Variants in CNTN5 observed in about 807,000 individuals in gnomAD.
CNTN5 encodes the protein contactin 5.
CNTN5 carries 77 observed loss-of-function variants against 129.1 expected under a neutral mutation model. The observed-to-expected ratio is 0.60, with a 90% CI of 0.50 to 0.72. CNTN5 has a LOEUF of 0.72. Ranked by LOEUF, CNTN5 falls within the 30% of genes least tolerant of loss-of-function variation. CNTN5 has a pLI of 0.00. For synonymous variants in CNTN5, 509 were observed against 465.6 expected, an observed-to-expected ratio of 1.09 and a Z score of -1.20; for missense variants, 1,478 against 1,328.8, an observed-to-expected ratio of 1.11 and a Z score of -1.75.
intron 6 of CNTN5, among the ~76,000 whole-genome samples, chr11:99,910,420 C>T (rs1020974478): frequency 5.9e-5 from 9 of 152,008 alleles, no homozygotes; most frequent in Admixed American, 5.3e-4. Context: ...TTAGAGAATG[C>T]TAATTTAATT....
intron 7 of CNTN5, among the ~76,000 whole-genome samples, chr11:99,939,463 C>T (rs1950386350): frequency 6.6e-6 from 1 of 152,034 alleles, no homozygotes; most frequent in Non-Finnish European, 1.5e-5. Flanking sequence ...ATTTGCAAGT[C>T]TGTATCTCTA....
chr11:99,877,677 A>G (rs1948669341), intron 6 of CNTN5, among the ~76,000 whole-genome samples: 1 of 152,194 alleles, frequency 6.6e-6, no homozygotes, highest in Admixed American at 6.5e-5. Flanking sequence ...AACAGTCTTA[A>G]TTGCTTAAAA....
intron 6 of CNTN5, among the ~76,000 whole-genome samples, chr11:99,891,331 T>TA (rs1949052510): frequency 2.0e-5 from 3 of 150,682 alleles, no homozygotes; most frequent in East Asian, 2.1e-4. Flanking sequence ...CCCAATATCT[T>TA]TTTATTATTA....
At chr11:99,347,025 A>T (rs1315409471) in intron 2 of CNTN5, among the ~76,000 whole-genome samples, 1 of 152,222 alleles carries the variant, frequency 6.6e-6, no homozygotes, top group Non-Finnish European at 1.5e-5. Context: ...GATATGAGAC[A>T]CTATGTTGTT....
intron 2 of CNTN5, among the ~76,000 whole-genome samples, chr11:99,349,368 C>T (rs1429788164): frequency 6.6e-6 from 1 of 152,130 alleles, no homozygotes; most frequent in Admixed American, 6.5e-5. Flanking sequence ...AGATTGGCCA[C>T]TCTTCTCCCC....
At chr11:99,053,135 C>G (rs527329405) in intron 1 of CNTN5, among the ~76,000 whole-genome samples, 71 of 151,962 alleles carry the variant, frequency 4.7e-4, no homozygotes, top group African/African-American at 1.7e-3. Context: ...GACCAATTTG[C>G]TATGCTTTGA....
At chr11:99,556,961 T>A (rs1948693988) in intron 3 of CNTN5, among the ~76,000 whole-genome samples, 1 of 151,332 alleles carries the variant, frequency 6.6e-6, no homozygotes, top group African/African-American at 2.4e-5. Context: ...AATTGAAGAA[T>A]GATTAGAAAT....
chr11:99,087,319 G>A (rs1434752936), intron 1 of CNTN5, among the ~76,000 whole-genome samples: 1 of 151,800 alleles, frequency 6.6e-6, no homozygotes, highest in East Asian at 1.9e-4. Context: ...AAAAGTCCCT[G>A]CTTTCCCTAC....
intron 21 of CNTN5, among the ~76,000 whole-genome samples, chr11:100,340,054 A>G (rs1472781596): frequency 1.3e-5 from 2 of 152,166 alleles, no homozygotes; most frequent in Non-Finnish European, 2.9e-5. Context: ...GAAGCTCAAG[A>G]GGAAATACTC....
Position 100,041,399 on chromosome 11 carries a change from G to A in CNTN5, c.981-19813G>A, listed in dbSNP as rs140345582. Among the ~76,000 whole-genome samples the A allele has an allele frequency of 3.5e-3, 540 of 152,212 alleles. 3 individuals carry two copies. The highest frequency in any genetic ancestry group is 0.012 in the African/African-American group (492 of 41,554). ...ATCACTCTCCCCATTGTCAACTCCAGGTCTACGACAAAGTCTAGAACATAG... is the reference window on the plus strand; with the variant it reads ...ATCACTCTCCCCATTGTCAACTCCAAGTCTACGACAAAGTCTAGAACATAG... On this transcript the variant is annotated intron_variant, in intron 9 of 24. Coordinates refer to ENST00000524871, the MANE Select transcript of CNTN5 (RefSeq NM_014361.4).
intron 2 of CNTN5, among the ~76,000 whole-genome samples, chr11:99,546,664 G>A (rs187469432): frequency 2.6e-5 from 4 of 152,174 alleles, no homozygotes; most frequent in Admixed American, 2.6e-4. Flanking sequence ...TTAGTTATAT[G>A]ATTATTTATT....
intron 9 of CNTN5, among the ~76,000 whole-genome samples, chr11:100,046,756 A>G (rs1256498573): frequency 6.6e-6 from 1 of 152,178 alleles, no homozygotes; most frequent in East Asian, 1.9e-4. Flanking sequence ...TTTGTACCAT[A>G]TTAGGCCTCA....
intron 1 of CNTN5, among the ~76,000 whole-genome samples, chr11:99,301,476 ATAT>A (rs1195690184): frequency 6.6e-6 from 1 of 151,816 alleles, no homozygotes; most frequent in African/African-American, 2.4e-5. Flanking sequence ...TATAAGACAA[ATAT>A]TGTTACTGGA....
chr11:100,109,333 G>A (rs1178183266), intron 13 of CNTN5, among the ~76,000 whole-genome samples: 7 of 152,172 alleles, frequency 4.6e-5, no homozygotes, highest in Non-Finnish European at 7.3e-5. Context: ...GGCTGAGGCA[G>A]GCGAATCGCT....
In CNTN5 at chr11:100,308,339, GT is replaced by G. The variant is rs1182302880; in HGVS notation, c.2621-17del. 1 of 1,600,034 alleles carries G rather than the reference GT, an allele frequency of 6.2e-7. No individual in the cohort carries two copies. Among genetic ancestry groups the G allele is most frequent in the Non-Finnish European group, 8.5e-7 (1 of 1,173,710 alleles). On this transcript the variant is annotated intron_variant, in intron 20 of 24. Transcript: ENST00000524871. The stretch of plus-strand genomic sequence containing the variant: ...TGGACATAAACTTTTTATAATTGTG[GT>G]TTATTTTCCTTCATACAGAACCCAG...
At chr11:99,599,299 A>T (rs1003228313) in intron 3 of CNTN5, among the ~76,000 whole-genome samples, 23 of 152,196 alleles carry the variant, frequency 1.5e-4, no homozygotes, top group African/African-American at 4.8e-4. Context: ...TCCACCTTTC[A>T]TAGGTTGCTT....
chr11:99,789,113 T>A (rs564312230), intron 3 of CNTN5, among the ~76,000 whole-genome samples: 49 of 152,066 alleles, frequency 3.2e-4, no homozygotes, highest in Non-Finnish European at 4.7e-4. Context: ...CTATGTTACT[T>A]TGAAGAATCA....
chr11:99,832,399 C>A (rs144831226), intron 4 of CNTN5, among the ~76,000 whole-genome samples: 1 of 152,108 alleles, frequency 6.6e-6, no homozygotes, highest in African/African-American at 2.4e-5. Context: ...TCTGACCTCT[C>A]TTTTATATCT....
chr11:99,402,744 G>A (rs546953827), intron 2 of CNTN5, among the ~76,000 whole-genome samples: 5 of 152,180 alleles, frequency 3.3e-5, no homozygotes, highest in African/African-American at 9.6e-5. Context: ...CTCTGATCTT[G>A]TTAATTCTTG....
Sources: allele counts gnomAD v4.1 joint callset (sites outside exome capture counted in the v4.1 genomes callset), GRCh38; gene constraint gnomAD v4.1.1; transcripts MANE v1.5; gene names NCBI Gene and HGNC (gene_info 2026-07-23, HGNC 2026-07-21).